GOLGA6L9: variants seen among roughly 807,000 people sequenced by gnomAD.
The protein encoded by GOLGA6L9 is golgin A6 family like 9.
GOLGA6L9 carries 19 observed loss-of-function variants against 51.3 expected under a neutral mutation model. That is an observed-to-expected ratio of 0.37 (90% CI 0.26 to 0.54). GOLGA6L9 has a LOEUF of 0.54. Among genes scored for constraint, GOLGA6L9 ranks in the 20% least tolerant of loss-of-function variants. GOLGA6L9 has a pLI of 0.83. For missense variants in GOLGA6L9, 247 were observed against 464.1 expected, an observed-to-expected ratio of 0.53 and a Z score of 4.30; for synonymous variants, 97 against 184.2, an observed-to-expected ratio of 0.53 and a Z score of 3.83.
chr15:82,424,465 G>T, the GOLGA6L9 span, among the ~76,000 whole-genome samples: 8 of 152,290 alleles, frequency 5.3e-5, no homozygotes, highest in African/African-American at 1.7e-4. Context: ...TAGGTGCAAA[G>T]ACACAGGGAT....
chr15:82,420,462 CTTA>C, the GOLGA6L9 span, among the ~76,000 whole-genome samples: 1 of 152,054 alleles, frequency 6.6e-6, no homozygotes, highest in African/African-American at 2.4e-5. Flanking sequence ...TTTTTATTTA[CTTA>C]TTTTTACTTT....
the GOLGA6L9 span, chr15:82,419,527 G>T: frequency 6.5e-6 from 1 of 153,350 alleles, no homozygotes; most frequent in Non-Finnish European, 1.4e-5. Context: ...GCGGGTGACT[G>T]TAGTCCCAGC....
the GOLGA6L9 span, chr15:82,419,484 T>TA: frequency 6.6e-6 from 1 of 152,186 alleles, no homozygotes; most frequent in South Asian, 2.1e-4. Flanking sequence ...CCGTCTCTAC[T>TA]AAAAAATACA....
the GOLGA6L9 span, among the ~76,000 whole-genome samples, chr15:82,417,260 T>C: frequency 1.3e-5 from 2 of 152,204 alleles, no homozygotes; most frequent in South Asian, 4.1e-4. Context: ...ATATTATCCT[T>C]AGATGACCGT....
At chr15:82,432,792 C>G in intron 3 of GOLGA6L9, 25 bp from the exon 4 acceptor site, 2 of 1,593,984 alleles carry the variant, frequency 1.3e-6, no homozygotes, top group Admixed American at 1.7e-5. Flanking sequence ...CTTTCTCCAA[C>G]TCCTTCTCTC....
intron 2 of GOLGA6L9, 93 bp downstream of exon 2, chr15:82,432,042 G>C: frequency 8.0e-7 from 1 of 1,252,034 alleles, no homozygotes. Flanking sequence ...TTGGGTACTG[G>C]TTAAGAATTC....
Position 82,429,912 on chromosome 15 carries a change from G to A in GOLGA6L9, c.-168G>A, listed in dbSNP as rs2031349912. ...CTCTGGACATGCTGCGCCTGGCCAC[G>A]CCTCCTTTCCCTTTCATCTTTCTCA... On this transcript the variant is annotated 5_prime_UTR_variant, in exon 1 of 9. Transcript: ENST00000618348. The A allele has an allele frequency of 1.4e-5, 12 of 865,502 alleles. No homozygotes were observed. The highest frequency in any genetic ancestry group is 5.0e-5 in the African/African-American group (3 of 59,406). The allele number at this position is 865,502 out of a possible 1,614,324, so 53.6% of individuals were successfully genotyped here. A position where few individuals can be genotyped will look rare whatever the true frequency, so the allele number is the denominator to read the frequency against.
At position 82,436,619 on chromosome 15, in the gene GOLGA6L9, T is replaced by G; in HGVS notation, c.*208T>G. 2.0e-6 allele frequency: 1 copy of G among 508,062 alleles called. No individual in the cohort carries two copies. Among genetic ancestry groups the G allele is most frequent in the African/African-American group, 2.0e-5 (1 of 51,108 alleles). 31.5% of individuals were successfully genotyped at this position (508,062 alleles called of 1,614,324 possible). On this transcript the variant is annotated 3_prime_UTR_variant, in exon 9 of 9. Coordinates refer to ENST00000618348, the MANE Select transcript of GOLGA6L9 (RefSeq NM_198181.4). ...TTATTTGTGTTTCTAATTTATAGTT[T>G]AAATTTATTTTTGTTTCTAATTTAT...
At chr15:82,429,062 GTATCTTATTTTA>G (rs2031298717), upstream of GOLGA6L9, among the ~76,000 whole-genome samples, 1 of 151,902 alleles carries the variant, frequency 6.6e-6, no homozygotes, top group Admixed American at 6.6e-5. Context: ...TACTTATTTT[GTATCTTATTTTA>G]TTTTATTTTA....
the GOLGA6L9 span, among the ~76,000 whole-genome samples, chr15:82,418,478 T>C: frequency 2.0e-5 from 3 of 152,266 alleles, no homozygotes; most frequent in South Asian, 6.2e-4. Flanking sequence ...TCTAAAACTA[T>C]CATTCCCTTG....
the GOLGA6L9 span, among the ~76,000 whole-genome samples, chr15:82,417,152 A>G: frequency 6.6e-6 from 1 of 152,260 alleles, no homozygotes; most frequent in African/African-American, 2.4e-5. Flanking sequence ...TATAAAGCAA[A>G]TGCCTGAAGA....
chr15:82,424,519 CA>C, the GOLGA6L9 span, among the ~76,000 whole-genome samples: 1 of 152,248 alleles, frequency 6.6e-6, no homozygotes, highest in East Asian at 1.9e-4. Context: ...ATTAAAAAAA[CA>C]AAAAGGAAAC....
rs2031822014 is a variant in GOLGA6L9, at chr15:82,438,804, A to G, written c.*2393A>G. On this transcript the variant is annotated 3_prime_UTR_variant, in exon 9 of 9. Coordinates refer to ENST00000618348, the MANE Select transcript of GOLGA6L9 (RefSeq NM_198181.4). ...AAAATGTAAATCAACCCTATCCATA[A>G]TAGATTCTCTAAAACTTTATCTTAC... is the stretch of plus-strand genomic sequence containing the variant. 8.3e-6 allele frequency: 1 copy of G among 120,462 alleles called. No individual in the cohort carries two copies. Among genetic ancestry groups the G allele is most frequent in the African/African-American group, 3.4e-5 (1 of 29,642 alleles). The allele number at this position is 120,462 out of a possible 1,614,324, so 7.5% of individuals were successfully genotyped here.
At chr15:82,417,658 T>A in the GOLGA6L9 span, among the ~76,000 whole-genome samples, 3 of 152,202 alleles carry the variant, frequency 2.0e-5, no homozygotes, top group Non-Finnish European at 4.4e-5. Flanking sequence ...AAAGGTGGTG[T>A]TGGTTGGATA....
chr15:82,429,102 T>G (rs1369995990), upstream of GOLGA6L9, among the ~76,000 whole-genome samples: 2 of 151,652 alleles, frequency 1.3e-5, 1 homozygote, highest in Non-Finnish European at 2.9e-5. Flanking sequence ...TGAGATGGAG[T>G]CTTGCTCTGT....
Position 82,432,588 on chromosome 15 carries a change from A to G in GOLGA6L9, c.221A>G (p.Tyr74Cys). ...CTCTTGGAGTCAGCAACAGGTATCT[A>G]CGGGGAGGGCCGTGCATCCTCTACT... ...HSPGDSATGI[Y>C]GEGRASSTTL... The change falls in exon 3 of 9, where the codon TAC (tyrosine) becomes TGC (cysteine). Residue 74 changes from tyrosine to cysteine, a missense_variant. Physicochemically the swap from Tyr to Cys is radical, Grantham distance 194. Around this residue, in one of 9 missense-constraint regions of GOLGA6L9, gnomAD observed 74 missense variants for 91.2 expected, o/e 0.81. Transcript: ENST00000618348. 1 of 1,603,784 alleles carries G rather than the reference A, an allele frequency of 6.2e-7. No individual in the cohort carries two copies. The highest frequency in any genetic ancestry group is 8.5e-7 in the Non-Finnish European group (1 of 1,179,640).
At position 82,431,637 on chromosome 15, in the gene GOLGA6L9, T is replaced by C; in HGVS notation, c.85-193T>C. The stretch of plus-strand genomic sequence containing the variant: ...TAAGTTCCAGTATTGCCTTTTTTGA[T>C]CTTTCTTTTTTTTTTTTTCTATCCA... On this transcript the variant is annotated intron_variant, in intron 1 of 8. Coordinates refer to ENST00000618348, the MANE Select transcript of GOLGA6L9 (RefSeq NM_198181.4). 4 of 529,968 alleles carry C rather than the reference T, an allele frequency of 7.5e-6. 1 individual carries two copies. The South Asian group carries it at 9.5e-5, about 13-fold the overall frequency. 32.8% of individuals were successfully genotyped at this position (529,968 alleles called of 1,614,324 possible). A position where few individuals can be genotyped will look rare whatever the true frequency, so the allele number is the denominator to read the frequency against.
chr15:82,430,113 G>A lies in GOLGA6L9; in HGVS notation c.34G>A (p.Ala12Thr), dbSNP rs1333489316. 24 of 862,556 alleles carry A rather than the reference G, an allele frequency of 2.8e-5. No homozygotes were observed. The highest frequency in any genetic ancestry group is 3.1e-5 in the Non-Finnish European group (17 of 546,726). The allele number at this position is 862,556 out of a possible 1,614,324, so 53.4% of individuals were successfully genotyped here. Residue 12 changes from alanine (A) to threonine (T), a missense_variant, in exon 1 of 9, where the codon GCG becomes ACG. Ala to Thr is a moderately conservative substitution (Grantham distance 58). Transcript: ENST00000618348. ...WPQPRLPPHP[A>T]MSEKTQQGKL... ...CCAACCCCGCCTCCCTCCCCACCCCGCGATGTCAGAAAAAACACAACAGGG... is the reference window on the plus strand; with the variant it reads ...CCAACCCCGCCTCCCTCCCCACCCCACGATGTCAGAAAAAACACAACAGGG...
chr15:82,436,475 C>A lies in GOLGA6L9; in HGVS notation c.*64C>A. The A allele has an allele frequency of 2.0e-6, 3 of 1,534,230 alleles. No homozygotes were observed. The highest frequency in any genetic ancestry group is 1.2e-5 in the South Asian group (1 of 84,004). Reference sequence around the variant, plus strand: ...TAAGGGGTTAATATCCTACACAATTCATTTACTTCATTTGAATGTTAGAGC... The same window carrying A: ...TAAGGGGTTAATATCCTACACAATTAATTTACTTCATTTGAATGTTAGAGC... On this transcript the variant is annotated 3_prime_UTR_variant, in exon 9 of 9. Transcript: ENST00000618348.
Sources: allele counts gnomAD v4.1 joint callset (sites outside exome capture counted in the v4.1 genomes callset), GRCh38; gene constraint gnomAD v4.1.1; regional missense constraint gnomAD v4.1.1; transcripts MANE v1.5; gene names NCBI Gene and HGNC (gene_info 2026-07-23, HGNC 2026-07-21).